The following ADGRE1 variants were observed in gnomAD, a reference collection of about 807,000 sequenced individuals.
ADGRE1 encodes adhesion G protein-coupled receptor E1.
A neutral mutation model predicts 102.7 loss-of-function variants in ADGRE1; 82 were observed. The observed-to-expected ratio is 0.80, with a 90% CI of 0.67 to 0.96. The LOEUF (loss-of-function observed/expected upper bound fraction) is 0.96, where lower values mean the gene tolerates loss of function less well. ADGRE1 is among the 40% of genes least tolerant of loss of function. The pLI, the probability that ADGRE1 is intolerant of heterozygous loss-of-function variation, is 0.00. For synonymous variants in ADGRE1, 398 were observed against 399.6 expected, an observed-to-expected ratio of 1.00 and a Z score of 0.05; for missense variants, 1,032 against 1,085.3, an observed-to-expected ratio of 0.95 and a Z score of 0.69.
At chr19:6,907,042 G>A (rs1325537365) in intron 9 of ADGRE1, among the ~76,000 whole-genome samples, 1 of 152,078 alleles carries the variant, frequency 6.6e-6, no homozygotes, top group Non-Finnish European at 1.5e-5. Flanking sequence ...GTTGGTGTGG[G>A]GGTGTTACAC....
chr19:6,897,071 C>CTTTTT lies in ADGRE1; in HGVS notation c.239-63_239-59dup, dbSNP rs11397719. ...TATGGGATGGGAGATATTGTTTTAA[C>CTTTTT]TTTTTTTTTTTTTTTTTTTGCAAAA... On this transcript the variant is annotated intron_variant, in intron 3 of 20. Transcript: ENST00000312053. 4.7e-4 allele frequency: 365 copies of CTTTTT among 778,194 alleles called. 1 individual carries two copies. The highest frequency in any genetic ancestry group is 1.1e-3 in the Middle Eastern group (3 of 2,672). The allele number at this position is 778,194 out of a possible 1,614,324, so 48.2% of individuals were successfully genotyped here. A position where few individuals can be genotyped will look rare whatever the true frequency, so the allele number is the denominator to read the frequency against.
intron 2 of ADGRE1, among the ~76,000 whole-genome samples, chr19:6,892,092 C>T (rs896011857): frequency 3.9e-5 from 6 of 152,084 alleles, no homozygotes; most frequent in African/African-American, 1.4e-4. Context: ...TGATGGGAAA[C>T]TTACAGCATT....
At position 6,892,814 on chromosome 19, in the gene ADGRE1, A is replaced by G. The variant is rs114098053; in HGVS notation, c.94+2271A>G. Among the ~76,000 whole-genome samples, 1,121 of 152,362 alleles carry G rather than the reference A, an allele frequency of 7.4e-3. 25 individuals are homozygous for G. Among genetic ancestry groups the G allele is most frequent in the South Asian group, 0.043 (209 of 4,832 alleles). The stretch of plus-strand genomic sequence containing the variant: ...ATGACATTCCACAATTTGCAGCAAC[A>G]TGGATGAAACTGGAGGTCATTAAGT... On this transcript the variant is annotated intron_variant, in intron 2 of 20. Transcript: ENST00000312053.
intron 5 of ADGRE1, among the ~76,000 whole-genome samples, chr19:6,899,803 C>A (rs1189148563): frequency 1.3e-5 from 2 of 151,528 alleles, no homozygotes; most frequent in South Asian, 4.2e-4. Context: ...TGAAAGTTAT[C>A]TTTAATCAGC....
At chr19:6,934,746 C>T (rs555165643) in intron 17 of ADGRE1, among the ~76,000 whole-genome samples, 7 of 151,478 alleles carry the variant, frequency 4.6e-5, no homozygotes, top group Non-Finnish European at 8.8e-5. Flanking sequence ...TACAGGCATC[C>T]ACCACCATGC....
chr19:6,897,071 C>CTTTTTT (rs11397719), intron 3 of ADGRE1, 78 bp from the exon 4 acceptor site: 42 of 778,404 alleles, frequency 5.4e-5, no homozygotes, highest in Admixed American at 1.2e-4. Flanking sequence ...ATTGTTTTAA[C>CTTTTTT]TTTTTTTTTT....
intron 3 of ADGRE1, 64 bp downstream of exon 3, chr19:6,896,605 G>A (rs917982723): frequency 1.9e-6 from 3 of 1,566,024 alleles, no homozygotes; most frequent in Non-Finnish European, 2.6e-6. Context: ...AGCTGGCTGG[G>A]TATTGAATGT....
intron 17 of ADGRE1, among the ~76,000 whole-genome samples, chr19:6,929,447 T>C (rs1217842208): frequency 6.6e-6 from 1 of 152,134 alleles, no homozygotes; most frequent in Non-Finnish European, 1.5e-5. Context: ...ATGGGGTCTT[T>C]ACTTGGCTGG....
intron 6 of ADGRE1, among the ~76,000 whole-genome samples, chr19:6,902,742 GTT>G (rs1048120385): frequency 6.8e-6 from 1 of 146,902 alleles, no homozygotes; most frequent in African/African-American, 2.5e-5. Flanking sequence ...CGCCCAGCCT[GTT>G]TTTTGTTTTT....
chr19:6,937,445 C>T lies in ADGRE1; in HGVS notation c.2550+34C>T, dbSNP rs552687772. ...CTGCTGCCCTCCCCATCCCCCTCCT[C>T]CCATCCCCCTCTCCCCCCTTCCCCA... On this transcript the variant is annotated intron_variant, in intron 19 of 20. Coordinates refer to ENST00000312053, the MANE Select transcript of ADGRE1 (RefSeq NM_001974.5). 1.2e-5 allele frequency: 18 copies of T among 1,538,476 alleles called. No homozygotes were observed. In the East Asian group the frequency reaches 3.5e-4, roughly 30 times the overall value.
rs1214995512 is a variant in ADGRE1 at position 6,897,412 on chromosome 19, T to C, written c.395-16T>C. ...CCCAATTTCTTATCTGCTCACCCTC[T>C]TCCACTGCTTCTCAGATATCAATGA... On this transcript the variant is annotated splice_polypyrimidine_tract_variant and intron_variant, in intron 4 of 20. Transcript: ENST00000312053. 2 of 1,594,198 alleles carry C rather than the reference T, an allele frequency of 1.3e-6. No individual in the cohort carries two copies. Among genetic ancestry groups the C allele is most frequent in the South Asian group, 1.1e-5 (1 of 88,342 alleles).
chr19:6,902,831 G>T (rs1973821653), intron 6 of ADGRE1, among the ~76,000 whole-genome samples: 2 of 152,208 alleles, frequency 1.3e-5, no homozygotes, highest in African/African-American at 2.4e-5. Flanking sequence ...CTGCCTCCCA[G>T]GTTCAAGCAA....
intron 17 of ADGRE1, among the ~76,000 whole-genome samples, chr19:6,933,722 G>T (rs1975263304): frequency 6.6e-6 from 1 of 152,046 alleles, no homozygotes; most frequent in Non-Finnish European, 1.5e-5. Flanking sequence ...TAGAGAGGTG[G>T]GTTCTACTGC....
At chr19:6,890,450 TTCA>T in intron 1 of ADGRE1, 28 bp from the exon 2 acceptor site, 1 of 1,067,518 alleles carries the variant, frequency 9.4e-7, no homozygotes, top group Non-Finnish European at 1.3e-6. Flanking sequence ...TTTTTGGTGG[TTCA>T]TGGTGTTTTT....
At chr19:6,899,804 T>C (rs1020113012) in intron 5 of ADGRE1, among the ~76,000 whole-genome samples, 4 of 151,960 alleles carry the variant, frequency 2.6e-5, no homozygotes, top group African/African-American at 9.7e-5. Flanking sequence ...GAAAGTTATC[T>C]TTAATCAGCC....
chr19:6,915,429 T>C (rs1665999363), intron 11 of ADGRE1, among the ~76,000 whole-genome samples: 2 of 152,140 alleles, frequency 1.3e-5, no homozygotes, highest in Non-Finnish European at 2.9e-5. Flanking sequence ...GAAGGGCCAG[T>C]GGGTTAGGTC....
chr19:6,894,048 TAAAG>T (rs1424986413), intron 2 of ADGRE1, among the ~76,000 whole-genome samples: 2 of 152,228 alleles, frequency 1.3e-5, no homozygotes, highest in Non-Finnish European at 2.9e-5. Flanking sequence ...CTTTCACTTA[TAAAG>T]ACTCTTGTGG....
intron 14 of ADGRE1, among the ~76,000 whole-genome samples, chr19:6,922,990 T>A (rs1045213757): frequency 6.6e-6 from 1 of 152,218 alleles, no homozygotes; most frequent in Non-Finnish European, 1.5e-5. Context: ...GGCGGGAGAA[T>A]GGCGTGAACC....
chr19:6,937,224 CT>C lies in ADGRE1; in HGVS notation c.2382-18del. The C allele has an allele frequency of 6.2e-7, 1 of 1,608,496 alleles. No homozygotes were observed. The highest frequency in any genetic ancestry group is 8.5e-7 in the Non-Finnish European group (1 of 1,176,690). On this transcript the variant is annotated intron_variant, in intron 18 of 20. Coordinates refer to ENST00000312053, the MANE Select transcript of ADGRE1 (RefSeq NM_001974.5). ...TAGCCACCTCCCAGAGCCTTACATG[CT>C]GTACATCTTCTCCCCAGGTTACTGA...
Sources: gnomAD v4.1 joint callset for allele counts (sites outside exome capture counted in the v4.1 genomes callset) on GRCh38, gnomAD v4.1.1 for gene constraint, MANE v1.5 for transcripts, NCBI Gene and HGNC (gene_info 2026-07-23, HGNC 2026-07-21) for gene names.